The following PHRF1 variants were observed in gnomAD, a reference collection of about 807,000 sequenced individuals.
PHRF1 encodes PHD and ring finger domains 1.
A neutral mutation model predicts 128.9 loss-of-function variants in PHRF1; 53 were observed. The observed-to-expected ratio is 0.41, with a 90% CI of 0.33 to 0.52. The LOEUF is 0.52. Ranked by LOEUF, PHRF1 falls within the 20% of genes least tolerant of loss-of-function variation. The pLI is 0.21. For synonymous variants in PHRF1, 1,178 were observed against 980.6 expected, an observed-to-expected ratio of 1.20 and a Z score of -3.76; for missense variants, 2,503 against 2,284.5, an observed-to-expected ratio of 1.10 and a Z score of -1.95.
chr11:594,400 C>G (rs1246226800), intron 6 of PHRF1, among the ~76,000 whole-genome samples: 1 of 152,244 alleles, frequency 6.6e-6, no homozygotes, highest in Non-Finnish European at 1.5e-5. Flanking sequence ...CCTGGTTTTC[C>G]TGTTAGCTTT....
intron 9 of PHRF1, among the ~76,000 whole-genome samples, chr11:599,714 C>T (rs948269188): frequency 2.6e-5 from 4 of 152,144 alleles, no homozygotes; most frequent in East Asian, 1.9e-4. Flanking sequence ...GTGTGTCGGT[C>T]GTGCTGGTCC....
intron 4 of PHRF1, 134 bp downstream of exon 4, chr11:587,598 AGTCTGGCTTG>A (rs1854647754): frequency 1.1e-6 from 1 of 903,798 alleles, no homozygotes; most frequent in Non-Finnish European, 1.7e-6. Context: ...CACAGGATTG[AGTCTGGCTTG>A]GTCTTTGCTT....
intron 10 of PHRF1, among the ~76,000 whole-genome samples, chr11:602,379 T>C (rs955285668): frequency 2.6e-5 from 4 of 152,132 alleles, no homozygotes; most frequent in Admixed American, 1.3e-4. Context: ...AACACCTTAA[T>C]ATGTAAAAAC....
chr11:597,320 CAGCCACAGGGGG>C lies in PHRF1; in HGVS notation c.719-70_719-59del, dbSNP rs1855347055. The C allele has an allele frequency of 6.5e-7, 1 of 1,527,702 alleles. No homozygotes were observed. Among genetic ancestry groups the C allele is most frequent in the Non-Finnish European group, 8.8e-7 (1 of 1,131,876 alleles). 94.6% of individuals were successfully genotyped at this position (1,527,702 alleles called of 1,614,324 possible). On this transcript the variant is annotated intron_variant, in intron 7 of 17. Coordinates refer to ENST00000264555, the MANE Select transcript of PHRF1 (RefSeq NM_001286581.2). The surrounding 1 kb of genome is among the most constrained non-coding windows in gnomAD (Gnocchi z 6.5). Reference sequence around the variant, plus strand: ...CGAGCCAGGGCTGCTACTTGGCCGGCAGCCACAGGGGGAGCCGTTGGGGGAGGCGTGTGGCCT... The same window carrying C: ...CGAGCCAGGGCTGCTACTTGGCCGGCAGCCGTTGGGGGAGGCGTGTGGCCT...
chr11:592,470 G>A (rs2132948171), intron 5 of PHRF1, 89 bp from the exon 6 acceptor site: 2 of 1,315,932 alleles, frequency 1.5e-6, no homozygotes, highest in Admixed American at 3.4e-5. Flanking sequence ...AAGGCAATGG[G>A]TGGATTCTGG....
At chr11:587,032 G>A (rs544355355) in intron 3 of PHRF1, among the ~76,000 whole-genome samples, 1 of 152,298 alleles carries the variant, frequency 6.6e-6, no homozygotes, top group African/African-American at 2.4e-5. Flanking sequence ...TCAGCTTCCC[G>A]CCCCTCGGTG....
Position 597,017 on chromosome 11 carries a change from G to A in PHRF1, c.715G>A (p.Ala239Thr), listed in dbSNP as rs780226285. ...TGCTGCGCCTGGTGTTGTCCTTGCC[G>A]CTGGTAAGGACACTGCTCCCGTCCC... is the stretch of plus-strand genomic sequence containing the variant. ...ECAAPGVVLA[A>T]DAGPVSEEEV... is the part of the protein sequence containing the mutation. Residue 239 changes from alanine (A) to threonine (T), a missense_variant, in exon 7 of 18, where the codon GCT (alanine) becomes ACT (threonine). Transcript: ENST00000264555. The surrounding 1 kb of genome is among the most constrained non-coding windows in gnomAD (Gnocchi z 6.5). The A allele has an allele frequency of 5.0e-6, 8 of 1,613,390 alleles. No homozygotes were observed. The highest frequency in any genetic ancestry group is 4.5e-5 in the East Asian group (2 of 44,870).
intron 17 of PHRF1, 64 bp downstream of exon 17, chr11:611,146 G>A (rs962746290): frequency 2.8e-5 from 45 of 1,595,022 alleles, no homozygotes; most frequent in Middle Eastern, 1.7e-4. Flanking sequence ...CTGCTGTCTC[G>A]TCAGCATGGA....
rs1253465682 is a variant in PHRF1, at chr11:597,825, G to T, written c.894+255G>T. The stretch of plus-strand genomic sequence containing the variant: ...GAAGCCTGGCCCTGGCGGGGTGGGG[G>T]CTCTAGGAAACCCCCCTTGTTCCCC... On this transcript the variant is annotated intron_variant, in intron 8 of 17. Transcript: ENST00000264555. This position sits in a 1 kb window ranked among gnomAD's most constrained non-coding sequence, Gnocchi z 6.5. Among the ~76,000 whole-genome samples the T allele has an allele frequency of 6.6e-6, 1 of 152,134 alleles. No individual in the cohort carries two copies. The highest frequency in any genetic ancestry group is 1.5e-5 in the Non-Finnish European group (1 of 67,986).
intron 3 of PHRF1, among the ~76,000 whole-genome samples, chr11:585,141 C>T (rs1854455191): frequency 6.6e-6 from 1 of 152,200 alleles, no homozygotes; most frequent in Non-Finnish European, 1.5e-5. Context: ...GTTGCTGGGG[C>T]TTGGGAGCTT....
rs1289145127 is a variant in PHRF1 at position 610,207 on chromosome 11, C to T, written c.4276C>T (p.His1426Tyr). ...TGTCGGGCCCCCAGGGGCACCACTT[C>T]ACAGGCCACAGAAGCCCCGAGAAGG... ...AEDRAPRAPL[H>Y]RPQKPREGAW... The change falls in exon 15 of 18, where the codon CAC (histidine) becomes TAC (tyrosine). Residue 1426 changes from histidine (H) to tyrosine (Y), a missense_variant. Coordinates refer to ENST00000264555, the MANE Select transcript of PHRF1 (RefSeq NM_001286581.2). The T allele has an allele frequency of 1.3e-6, 2 of 1,529,450 alleles. No homozygotes were observed. The highest frequency in any genetic ancestry group is 1.8e-6 in the Non-Finnish European group (2 of 1,134,178). The allele number at this position is 1,529,450 out of a possible 1,614,324, so 94.7% of individuals were successfully genotyped here.
At position 609,660 on chromosome 11, in the gene PHRF1, C is replaced by T. The variant is rs1485965003; in HGVS notation, c.4204C>T (p.Arg1402Trp). The change falls in exon 14 of 18, where the codon CGG becomes TGG. Residue 1402 changes from arginine to tryptophan, a missense_variant. Coordinates refer to ENST00000264555, the MANE Select transcript of PHRF1 (RefSeq NM_001286581.2). Reference protein sequence around the residue: ...PLLRSRALVKRVTWNLQESES... With the variant: ...PLLRSRALVKWVTWNLQESES... ...GCTGCGGTCCAGAGCCCTGGTGAAGCGGGTCACCTGGAACCTGCAGGAGTC... is the reference window on the plus strand; with the variant it reads ...GCTGCGGTCCAGAGCCCTGGTGAAGTGGGTCACCTGGAACCTGCAGGAGTC... The T allele has an allele frequency of 1.0e-5, 16 of 1,562,092 alleles. No homozygotes were observed. Among genetic ancestry groups the T allele is most frequent in the Admixed American group, 5.6e-5 (3 of 53,114 alleles).
chr11:597,071 A>G lies in PHRF1; in HGVS notation c.718+51A>G, dbSNP rs2132987262. ...GCGCACATGGGCCTTCTCACTGTCC[A>G]CTCTGCGGTCCCCGGGGTTAGGTTT... On this transcript the variant is annotated intron_variant, in intron 7 of 17. Transcript: ENST00000264555. This position sits in a 1 kb window ranked among gnomAD's most constrained non-coding sequence, Gnocchi z 6.5. 8 of 1,563,166 alleles carry G rather than the reference A, an allele frequency of 5.1e-6. No individual in the cohort carries two copies. In the South Asian group the frequency reaches 8.0e-5, roughly 16 times the overall value.
chr11:608,434 C>G lies in PHRF1; in HGVS notation c.2978C>G (p.Ser993Cys). 1.9e-6 allele frequency: 3 copies of G among 1,612,182 alleles called. No homozygotes were observed. Among genetic ancestry groups the G allele is most frequent in the Non-Finnish European group, 2.5e-6 (3 of 1,179,738 alleles). Residue 993 changes from serine to cysteine, a missense_variant, in exon 14 of 18, where the codon TCC becomes TGC. By Grantham distance (112) the Ser-to-Cys change is moderately radical (BLOSUM62 -1). Coordinates refer to ENST00000264555, the MANE Select transcript of PHRF1 (RefSeq NM_001286581.2). Reference protein sequence around the residue: ...RVVELRPPSRSRSTSSSRSRK... With the variant: ...RVVELRPPSRCRSTSSSRSRK... Reference sequence around the variant, plus strand: ...GTGGAGCTCAGGCCCCCTTCCCGGTCCCGCTCCACATCCAGCTCCCGCAGC... The same window carrying G: ...GTGGAGCTCAGGCCCCCTTCCCGGTGCCGCTCCACATCCAGCTCCCGCAGC...
At chr11:581,463 G>A (rs759649440) in intron 1 of PHRF1, 29 bp from the exon 2 acceptor site, 1 of 1,601,298 alleles carries the variant, frequency 6.2e-7, no homozygotes, top group South Asian at 1.1e-5. Context: ...GGGACAGTTT[G>A]GAAGTTGCTT....
At chr11:611,167 G>A (rs1221500267) in intron 17 of PHRF1, 85 bp downstream of exon 17, 1 of 1,574,888 alleles carries the variant, frequency 6.3e-7, no homozygotes, top group Non-Finnish European at 8.6e-7. Context: ...CTTTGGGGTG[G>A]CCATGAGTGC....
rs369850014 is a variant in PHRF1, at chr11:581,876, C to T, written c.95-86C>T. 2.4e-5 allele frequency: 35 copies of T among 1,457,468 alleles called. No individual in the cohort carries two copies. The African/African-American group carries it at 2.6e-4, about 11-fold the overall frequency. The allele number at this position is 1,457,468 out of a possible 1,614,324, so 90.3% of individuals were successfully genotyped here. On this transcript the variant is annotated intron_variant, in intron 2 of 17. Coordinates refer to ENST00000264555, the MANE Select transcript of PHRF1 (RefSeq NM_001286581.2). ...TTAGCCGTTTGGCAGGTGCTCCTGA[C>T]GCCTCTATGCCTGTGCAAAGCAACC...
intron 14 of PHRF1, 142 bp from the exon 15 acceptor site, chr11:610,054 T>G: frequency 8.9e-7 from 1 of 1,127,436 alleles, no homozygotes; most frequent in Admixed American, 3.0e-5. Flanking sequence ...CCTCGCAACC[T>G]CCCCTTGGTG....
chr11:592,723 G>T (rs1855054566), intron 6 of PHRF1, 49 bp downstream of exon 6: 1 of 1,587,060 alleles, frequency 6.3e-7, no homozygotes, highest in Admixed American at 1.7e-5. Context: ...GTGCAAGGCG[G>T]GCCAGGCGCA....
Sources: gnomAD v4.1 joint callset for allele counts (sites outside exome capture counted in the v4.1 genomes callset) on GRCh38, gnomAD v4.1.1 for gene constraint, Gnocchi (gnomAD v3.1) non-coding constraint, MANE v1.5 for transcripts, NCBI Gene and HGNC (gene_info 2026-07-23, HGNC 2026-07-21) for gene names.